Variants in EXOC4 observed in about 807,000 individuals in gnomAD.
EXOC4 encodes exocyst complex component 4.
In EXOC4, 71 loss-of-function variants were observed where a neutral mutation model predicts 107.2. The observed-to-expected ratio is 0.66, with a 90% CI of 0.55 to 0.81. The LOEUF (loss-of-function observed/expected upper bound fraction) is 0.81, where lower values mean the gene tolerates loss of function less well. Ranked by LOEUF, EXOC4 falls within the 30% of genes least tolerant of loss-of-function variation. EXOC4 has a pLI of 0.00. For synonymous variants in EXOC4, 456 were observed against 441.2 expected (o/e 1.03, Z -0.42); for missense variants, 1,108 against 1,189.6 (o/e 0.93, Z 1.01).
At chr7:133,644,918 C>A (rs750641905) in intron 10 of EXOC4, among the ~76,000 whole-genome samples, 1 of 152,098 alleles carries the variant, frequency 6.6e-6, no homozygotes, top group Non-Finnish European at 1.5e-5. Flanking sequence ...TCCTGTGGTG[C>A]AAACTATTTA....
chr7:133,320,693 G>A (rs1055234479), intron 5 of EXOC4, among the ~76,000 whole-genome samples: 1 of 152,108 alleles, frequency 6.6e-6, no homozygotes, highest in African/African-American at 2.4e-5. Context: ...GTTATCTTTA[G>A]GAGCAAGTGT....
chr7:133,547,010 T>G (rs1336154365), intron 9 of EXOC4, among the ~76,000 whole-genome samples: 1 of 152,164 alleles, frequency 6.6e-6, no homozygotes, highest in East Asian at 1.9e-4. Flanking sequence ...TAGACAACAT[T>G]ATCGAAGGTG....
chr7:134,034,763 G>T (rs546765693), intron 17 of EXOC4, among the ~76,000 whole-genome samples: 1 of 152,186 alleles, frequency 6.6e-6, no homozygotes, highest in Non-Finnish European at 1.5e-5. Flanking sequence ...ACTAATACAG[G>T]TTGTAAGTGA....
At chr7:134,075,797 G>A in the EXOC4 span, among the ~76,000 whole-genome samples, 2 of 152,128 alleles carry the variant, frequency 1.3e-5, no homozygotes, top group African/African-American at 4.8e-5. Context: ...TTAATTACCT[G>A]TGTGAAACCC....
chr7:133,625,680 A>G (rs895147351), intron 9 of EXOC4, among the ~76,000 whole-genome samples: 2 of 152,220 alleles, frequency 1.3e-5, no homozygotes, highest in African/African-American at 2.4e-5. Context: ...TCCAGCAGTT[A>G]TCAGGTGGCC....
chr7:133,876,097 C>T (rs1377382427), intron 11 of EXOC4, among the ~76,000 whole-genome samples: 2 of 152,086 alleles, frequency 1.3e-5, no homozygotes, highest in Non-Finnish European at 2.9e-5. Context: ...ATAAGCTCAT[C>T]TATATTTGTG....
At chr7:133,309,315 C>T (rs1794819144) in intron 4 of EXOC4, among the ~76,000 whole-genome samples, 1 of 152,064 alleles carries the variant, frequency 6.6e-6, no homozygotes, top group South Asian at 2.1e-4. Context: ...TACTAAATGC[C>T]AGAAGACAAT....
chr7:133,599,578 A>C (rs1364431391), intron 9 of EXOC4, among the ~76,000 whole-genome samples: 1 of 152,172 alleles, frequency 6.6e-6, no homozygotes, highest in Non-Finnish European at 1.5e-5. Context: ...TGCCTCTTTG[A>C]TGACAGTTAC....
chr7:133,895,545 T>G, intron 11 of EXOC4, 54 bp from the exon 12 acceptor site: 1 of 1,575,332 alleles, frequency 6.3e-7, no homozygotes, highest in Non-Finnish European at 8.7e-7. Context: ...TCCTTCCTTG[T>G]CCAACACATT....
chr7:133,948,829 C>G (rs921070597), intron 14 of EXOC4, among the ~76,000 whole-genome samples: 5 of 152,154 alleles, frequency 3.3e-5, no homozygotes, highest in Non-Finnish European at 5.9e-5. Context: ...AAATCCAGAC[C>G]ACATCTGTCT....
intron 9 of EXOC4, among the ~76,000 whole-genome samples, chr7:133,615,279 C>G (rs1802168751): frequency 1.3e-5 from 2 of 151,980 alleles, no homozygotes; most frequent in South Asian, 4.2e-4. Context: ...CTCCTCCTCC[C>G]CCCTCATCTA....
intron 17 of EXOC4, among the ~76,000 whole-genome samples, chr7:134,026,891 T>G (rs994788596): frequency 6.6e-6 from 1 of 152,172 alleles, no homozygotes; most frequent in Non-Finnish European, 1.5e-5. Context: ...GAGTATAATT[T>G]TAGGATGTTT....
intron 11 of EXOC4, among the ~76,000 whole-genome samples, chr7:133,818,382 A>G (rs561996827): frequency 2.6e-5 from 4 of 152,304 alleles, no homozygotes; most frequent in East Asian, 1.9e-4. Flanking sequence ...GAGAAGTTGT[A>G]TATATGGAAG....
At chr7:134,083,258 C>A in the EXOC4 span, among the ~76,000 whole-genome samples, 1 of 152,080 alleles carries the variant, frequency 6.6e-6, no homozygotes, top group African/African-American at 2.4e-5. Context: ...CAGCAGGACA[C>A]CCTAAGAGGG....
intron 9 of EXOC4, among the ~76,000 whole-genome samples, chr7:133,530,930 A>T (rs1447665029): frequency 1.3e-5 from 2 of 152,144 alleles, no homozygotes; most frequent in African/African-American, 2.4e-5. Context: ...ATAACCTTGA[A>T]TGTAGTCAAG....
chr7:133,863,733 C>G (rs895817770), intron 11 of EXOC4, among the ~76,000 whole-genome samples: 3 of 152,148 alleles, frequency 2.0e-5, no homozygotes, highest in African/African-American at 7.2e-5. Flanking sequence ...CCAAGAAAAT[C>G]AAGGCTGTAT....
intron 10 of EXOC4, among the ~76,000 whole-genome samples, chr7:133,672,488 G>C (rs1364274064): frequency 6.6e-6 from 1 of 151,864 alleles, no homozygotes; most frequent in Non-Finnish European, 1.5e-5. Flanking sequence ...GTGTGTAGTG[G>C]TTACTTATTG....
intron 5 of EXOC4, among the ~76,000 whole-genome samples, chr7:133,322,302 T>A (rs1388981520): frequency 6.6e-6 from 1 of 152,226 alleles, no homozygotes; most frequent in African/African-American, 2.4e-5. Flanking sequence ...CATTCCTATG[T>A]CCTGAATGGT....
At chr7:133,355,560 G>A (rs551913066) in intron 5 of EXOC4, among the ~76,000 whole-genome samples, 15 of 152,208 alleles carry the variant, frequency 9.9e-5, no homozygotes, top group African/African-American at 3.6e-4. Context: ...ACTTGCCACA[G>A]GGGTTAAAAA....
Sources: gnomAD v4.1 joint callset for allele counts (sites outside exome capture counted in the v4.1 genomes callset) on GRCh38, gnomAD v4.1.1 for gene constraint, MANE v1.5 for transcripts, NCBI Gene and HGNC (gene_info 2026-07-23, HGNC 2026-07-21) for gene names.